Variants in TBC1D19 observed in about 807,000 individuals in gnomAD.
The protein encoded by TBC1D19 is TBC1 domain family member 19.
Under a neutral mutation model 89.0 loss-of-function variants are expected in TBC1D19, and 60 were observed. That is an observed-to-expected ratio of 0.67 (90% CI 0.55 to 0.84). TBC1D19 has a LOEUF of 0.84. TBC1D19 is among the 40% of genes least tolerant of loss of function. The pLI, the probability that TBC1D19 is intolerant of heterozygous loss-of-function variation, is 0.00. For synonymous variants in TBC1D19, 189 were observed against 199.7 expected (o/e 0.95, Z 0.45); for missense variants, 500 against 610.8 (o/e 0.82, Z 1.91).
the TBC1D19 span, among the ~76,000 whole-genome samples, chr4:26,842,707 GC>G: frequency 0.4 from 57,431 of 142,952 alleles, 12,559 homozygotes; most frequent in African/African-American, 0.57. Flanking sequence ...TCACCATGTT[GC>G]CCCCGGCTGG....
intron 9 of TBC1D19, among the ~76,000 whole-genome samples, chr4:26,668,925 A>T (rs933463490): frequency 6.6e-6 from 1 of 151,740 alleles, no homozygotes; most frequent in Admixed American, 6.6e-5. Context: ...ATAATAAAAA[A>T]AGTCATAGCC....
intron 14 of TBC1D19, among the ~76,000 whole-genome samples, chr4:26,718,871 T>G (rs1716807266): frequency 6.6e-6 from 1 of 152,104 alleles, no homozygotes; most frequent in Admixed American, 6.6e-5. Flanking sequence ...TTTTAAGGCC[T>G]TTGACCAGTT....
chr4:26,802,550 C>T, the TBC1D19 span, among the ~76,000 whole-genome samples: 1 of 151,988 alleles, frequency 6.6e-6, no homozygotes, highest in African/African-American at 2.4e-5. Flanking sequence ...TGCAGTGAGC[C>T]AAGATCTCAC....
intron 4 of TBC1D19, among the ~76,000 whole-genome samples, chr4:26,621,935 C>T (rs980897569): frequency 1.3e-5 from 2 of 151,870 alleles, no homozygotes; most frequent in African/African-American, 4.8e-5. Flanking sequence ...GAGTTCATGT[C>T]CTTTGTAGGG....
chr4:26,837,361 A>T, the TBC1D19 span, among the ~76,000 whole-genome samples: 1 of 152,186 alleles, frequency 6.6e-6, no homozygotes, highest in African/African-American at 2.4e-5. Flanking sequence ...GCAATAGACT[A>T]GCAAATATGT....
At chr4:26,682,848 C>T (rs376200216) in intron 11 of TBC1D19, among the ~76,000 whole-genome samples, 2 of 152,240 alleles carry the variant, frequency 1.3e-5, no homozygotes, top group East Asian at 1.9e-4. Flanking sequence ...TTCCATTTTC[C>T]CTCTTTTCCA....
chr4:26,713,482 CAT>C (rs1405442705), intron 13 of TBC1D19, among the ~76,000 whole-genome samples: 1 of 151,786 alleles, frequency 6.6e-6, no homozygotes, highest in Non-Finnish European at 1.5e-5. Flanking sequence ...AAGGAAAGAA[CAT>C]ATCATTTTGG....
intron 3 of TBC1D19, among the ~76,000 whole-genome samples, chr4:26,619,547 C>T (rs1443410459): frequency 6.6e-6 from 1 of 151,964 alleles, no homozygotes; most frequent in African/African-American, 2.4e-5. Context: ...TACATAATTA[C>T]CATTAAAAGT....
chr4:26,672,702 C>A (rs1046229275), intron 10 of TBC1D19, among the ~76,000 whole-genome samples: 16 of 151,732 alleles, frequency 1.1e-4, no homozygotes, highest in African/African-American at 3.9e-4. Context: ...TTTATAAATC[C>A]TTTTTTGTCT....
chr4:26,799,460 AC>A, the TBC1D19 span, among the ~76,000 whole-genome samples: 103 of 152,318 alleles, frequency 6.8e-4, no homozygotes, highest in African/African-American at 2.2e-3. Context: ...AATATGAAAA[AC>A]TTTTGTTTGG....
chr4:26,824,182 C>T, the TBC1D19 span, among the ~76,000 whole-genome samples: 1 of 152,158 alleles, frequency 6.6e-6, no homozygotes, highest in African/African-American at 2.4e-5. Context: ...GAGAGCATTC[C>T]TGAACATGCA....
At position 26,717,980 on chromosome 4, in the gene TBC1D19, A is replaced by G; in HGVS notation, c.1002A>G (p.Ala334=). The G allele has an allele frequency of 3.7e-6, 6 of 1,612,244 alleles. No individual in the cohort carries two copies. The highest frequency in any genetic ancestry group is 5.1e-6 in the Non-Finnish European group (6 of 1,179,082). The change falls in exon 14 of 21, where the codon GCA becomes GCG. Residue 334 remains alanine, a synonymous_variant. Transcript: ENST00000264866. Reference sequence around the variant, plus strand: ...ATACATCTGTGTTGAGTCACTTTGCATTCAACAGTGCCTCGCCACCAAAAT... The same window carrying G: ...ATACATCTGTGTTGAGTCACTTTGCGTTCAACAGTGCCTCGCCACCAAAAT... ...SRDTSVLSHF[A]FNSASPPKSY...
intron 7 of TBC1D19, among the ~76,000 whole-genome samples, chr4:26,651,712 C>T (rs983607511): frequency 6.6e-6 from 1 of 152,144 alleles, no homozygotes; most frequent in Admixed American, 6.6e-5. Flanking sequence ...ATTTCCTTCT[C>T]CTGCCTGATT....
downstream of TBC1D19, among the ~76,000 whole-genome samples, chr4:26,758,659 G>A (rs947665965): frequency 2.6e-5 from 4 of 152,190 alleles, no homozygotes; most frequent in African/African-American, 9.7e-5. Flanking sequence ...TGCAGTCTAG[G>A]AATGGAGAGA....
chr4:26,734,956 GTA>G lies in TBC1D19; in HGVS notation c.1085-495_1085-494del, dbSNP rs1491228271. ...TGTGTGTATATATGTATACACATATGTATATGTATATATGTATACACATATGT... is the reference window on the plus strand; with the variant it reads ...TGTGTGTATATATGTATACACATATGTATGTATATATGTATACACATATGT... On this transcript the variant is annotated intron_variant, in intron 15 of 20. Transcript: ENST00000264866. Among the ~76,000 whole-genome samples the G allele has an allele frequency of 6.9e-4, 40 of 57,780 alleles. 1 individual carries two copies. Among genetic ancestry groups the G allele is most frequent in the African/African-American group, 1.8e-3 (39 of 21,502 alleles). The allele number at this position is 57,780 out of a possible 152,430, so 37.9% of individuals were successfully genotyped here.
chr4:26,808,890 T>C, the TBC1D19 span, among the ~76,000 whole-genome samples: 1 of 152,214 alleles, frequency 6.6e-6, no homozygotes, highest in African/African-American at 2.4e-5. Flanking sequence ...ATTGACTTGC[T>C]GTTTCTTGGG....
chr4:26,835,546 G>T, the TBC1D19 span, among the ~76,000 whole-genome samples: 2 of 152,140 alleles, frequency 1.3e-5, no homozygotes, highest in Non-Finnish European at 2.9e-5. Flanking sequence ...TAAAGGCAAG[G>T]CAGAATCGTA....
At chr4:26,848,512 A>C in the TBC1D19 span, among the ~76,000 whole-genome samples, 1 of 152,330 alleles carries the variant, frequency 6.6e-6, no homozygotes, top group Non-Finnish European at 1.5e-5. Flanking sequence ...CTTCACTTGT[A>C]TCTGTAGAAC....
At chr4:26,794,430 A>G in the TBC1D19 span, among the ~76,000 whole-genome samples, 4 of 152,168 alleles carry the variant, frequency 2.6e-5, no homozygotes, top group Non-Finnish European at 4.4e-5. Flanking sequence ...CATCAAGGGT[A>G]AAAGAGGGTA....
Sources: allele counts gnomAD v4.1 joint callset (sites outside exome capture counted in the v4.1 genomes callset), GRCh38; gene constraint gnomAD v4.1.1; transcripts MANE v1.5; gene names NCBI Gene and HGNC (gene_info 2026-07-23, HGNC 2026-07-21).